The following MYRIP variants were observed in gnomAD, a reference collection of about 807,000 sequenced individuals.
The protein encoded by MYRIP is rab effector MyRIP.
In MYRIP, 49 loss-of-function variants were observed where a neutral mutation model predicts 98.0. The observed-to-expected ratio is 0.50, with a 90% CI of 0.40 to 0.63. The LOEUF is 0.63. Ranked by LOEUF, MYRIP falls within the 30% of genes least tolerant of loss-of-function variation. MYRIP has a pLI of 0.00. For synonymous variants in MYRIP, 404 were observed against 409.5 expected (o/e 0.99, Z 0.16); for missense variants, 1,004 against 1,058.2 (o/e 0.95, Z 0.71).
intron 1 of MYRIP, among the ~76,000 whole-genome samples, chr3:39,880,624 G>C (rs1190012211): frequency 1.3e-5 from 2 of 152,070 alleles, no homozygotes; most frequent in Non-Finnish European, 2.9e-5. Flanking sequence ...CAAGTTACTT[G>C]GTCTTTTTTT....
intron 1 of MYRIP, among the ~76,000 whole-genome samples, chr3:39,887,918 C>G (rs1438908423): frequency 6.6e-6 from 1 of 151,812 alleles, no homozygotes; most frequent in African/African-American, 2.4e-5. Flanking sequence ...TGAGTGAACT[C>G]CCATTCACAA....
intron 3 of MYRIP, among the ~76,000 whole-genome samples, chr3:40,128,295 C>G (rs1245172644): frequency 6.6e-6 from 1 of 152,218 alleles, no homozygotes; most frequent in East Asian, 1.9e-4. Context: ...GACAACATAT[C>G]TACCTTCCTA....
Position 39,858,144 on chromosome 3 carries a change from A to G in MYRIP, c.-30-42643A>G, listed in dbSNP as rs1332773822. Reference sequence around the variant, plus strand: ...CAAGGTCTAGTGATTTGCTGCCTTCAGGAGACTCACTTTAGCTTTAGGGAC... The same window carrying G: ...CAAGGTCTAGTGATTTGCTGCCTTCGGGAGACTCACTTTAGCTTTAGGGAC... On this transcript the variant is annotated intron_variant, in intron 1 of 16. Transcript: ENST00000302541. 4.6e-5 allele frequency among the ~76,000 whole-genome samples: 7 copies of G among 152,186 alleles called. No individual in the cohort carries two copies. The East Asian group carries it at 1.3e-3, about 29-fold the overall frequency.
intron 11 of MYRIP, among the ~76,000 whole-genome samples, chr3:40,230,407 A>G (rs938632861): frequency 1.3e-5 from 2 of 152,160 alleles, no homozygotes; most frequent in African/African-American, 4.8e-5. Context: ...ACCCCCATCC[A>G]GTGCTAAATA....
chr3:39,825,267 C>T (rs1941229272), intron 1 of MYRIP, among the ~76,000 whole-genome samples: 1 of 152,108 alleles, frequency 6.6e-6, no homozygotes, highest in Non-Finnish European at 1.5e-5. Flanking sequence ...CCTCGTCTTG[C>T]ACTAGTTCTT....
intron 1 of MYRIP, among the ~76,000 whole-genome samples, chr3:39,845,852 CAAAAAAAA>C (rs3062461): frequency 2.1e-5 from 2 of 96,938 alleles, no homozygotes; most frequent in African/African-American, 3.8e-5. Flanking sequence ...TTTCCCCTAC[CAAAAAAAA>C]AAAAAAAAAA....
chr3:40,203,198 G>A (rs1007898925), intron 10 of MYRIP, among the ~76,000 whole-genome samples: 4 of 152,070 alleles, frequency 2.6e-5, no homozygotes, highest in Admixed American at 2.6e-4. Flanking sequence ...CCAAAGTGCT[G>A]GGATTACAGG....
intron 2 of MYRIP, among the ~76,000 whole-genome samples, chr3:40,034,014 G>A (rs1351252203): frequency 3.3e-5 from 5 of 152,094 alleles, no homozygotes; most frequent in Non-Finnish European, 7.3e-5. Flanking sequence ...AAACTGGCTA[G>A]CCATATGTAG....
Position 40,258,367 on chromosome 3 carries a change from T to C in MYRIP, c.*201T>C. 1 of 548,654 alleles carries C rather than the reference T, an allele frequency of 1.8e-6. No individual in the cohort carries two copies. The highest frequency in any genetic ancestry group is 3.3e-6 in the Non-Finnish European group (1 of 305,980). 34.0% of individuals were successfully genotyped at this position (548,654 alleles called of 1,614,324 possible). ...TTCAGCACTGCGGTCTTGCCCACTC[T>C]CTGCCTTAGGCTCCCAGGGGAATCC... On this transcript the variant is annotated 3_prime_UTR_variant, in exon 17 of 17. Coordinates refer to ENST00000302541, the MANE Select transcript of MYRIP (RefSeq NM_015460.4).
chr3:39,898,680 T>C (rs1943672578), intron 1 of MYRIP, among the ~76,000 whole-genome samples: 1 of 152,130 alleles, frequency 6.6e-6, no homozygotes. Context: ...TTGTAAATGG[T>C]GGTGGTAGTG....
intron 11 of MYRIP, among the ~76,000 whole-genome samples, chr3:40,218,617 T>C (rs796491118): frequency 0.044 from 468 of 10,720 alleles, 8 homozygotes; most frequent in South Asian, 0.1. Flanking sequence ...ATATTTTATA[T>C]ATATATATAT....
rs140018930 is a variant in MYRIP at position 40,138,320 on chromosome 3, GCTGT to G, written c.333-12725_333-12722del. ...TCTTTCTCTTGGAGCTCTCGGTTGAGCTGTCTAATTCTTCCTCTAGCCCTGTAAG... is the reference window on the plus strand; with the variant it reads ...TCTTTCTCTTGGAGCTCTCGGTTGAGCTAATTCTTCCTCTAGCCCTGTAAG... On this transcript the variant is annotated intron_variant, in intron 3 of 16. Coordinates refer to ENST00000302541, the MANE Select transcript of MYRIP (RefSeq NM_015460.4). Among the ~76,000 whole-genome samples the G allele has an allele frequency of 2.8e-3, 434 of 152,284 alleles. 2 individuals carry two copies. Among genetic ancestry groups the G allele is most frequent in the African/African-American group, 9.9e-3 (411 of 41,542 alleles).
In MYRIP at chr3:39,981,417, T is replaced by C. The variant is rs182783046; in HGVS notation, c.111-62633T>C. Among the ~76,000 whole-genome samples the C allele has an allele frequency of 6.6e-5, 10 of 152,340 alleles. No individual in the cohort carries two copies. The East Asian group carries it at 1.9e-3, about 29-fold the overall frequency. On this transcript the variant is annotated intron_variant, in intron 2 of 16. Transcript: ENST00000302541. ...TTTAAAATACTAGTACTTCTTTTGT[T>C]ATTTGATATCTATTAATTATATTCC...
intron 3 of MYRIP, among the ~76,000 whole-genome samples, chr3:40,063,898 G>C (rs58145274): frequency 0.15 from 23,408 of 152,110 alleles, 1,740 homozygotes; most frequent in East Asian, 0.2. Context: ...AAAATTCTCA[G>C]GGAGCCCAGT....
intron 1 of MYRIP, among the ~76,000 whole-genome samples, chr3:39,885,229 G>T (rs1943260127): frequency 6.6e-6 from 1 of 150,942 alleles, no homozygotes; most frequent in African/African-American, 2.4e-5. Flanking sequence ...TTGGGTTTTT[G>T]CTGTTTTTAA....
At chr3:40,007,398 G>A (rs1487903421) in intron 2 of MYRIP, among the ~76,000 whole-genome samples, 4 of 151,892 alleles carry the variant, frequency 2.6e-5, no homozygotes, top group Non-Finnish European at 5.9e-5. Context: ...ATCCAATGAG[G>A]AAGTTATGGG....
At chr3:40,187,360 T>C (rs1951067424) in intron 9 of MYRIP, among the ~76,000 whole-genome samples, 1 of 152,210 alleles carries the variant, frequency 6.6e-6, no homozygotes, top group Non-Finnish European at 1.5e-5. Context: ...GCCCTGCATC[T>C]GCTTTAATCC....
chr3:40,088,160 T>C (rs1948666925), intron 3 of MYRIP, among the ~76,000 whole-genome samples: 1 of 152,154 alleles, frequency 6.6e-6, no homozygotes, highest in African/African-American at 2.4e-5. Flanking sequence ...TTTTGGCACC[T>C]GCTTTGATTG....
chr3:40,088,759 G>A (rs1273574260), intron 3 of MYRIP, among the ~76,000 whole-genome samples: 2 of 152,240 alleles, frequency 1.3e-5, no homozygotes, highest in African/African-American at 4.8e-5. Flanking sequence ...GGCTTTCTCA[G>A]CCCTGGTAGG....
Sources: gnomAD v4.1 joint callset for allele counts (sites outside exome capture counted in the v4.1 genomes callset) on GRCh38, gnomAD v4.1.1 for gene constraint, MANE v1.5 for transcripts, NCBI Gene and HGNC (gene_info 2026-07-23, HGNC 2026-07-21) for gene names.